FOXP1: variants seen among roughly 807,000 people sequenced by gnomAD.
FOXP1 encodes forkhead box protein P1.
A neutral mutation model predicts 98.2 loss-of-function variants in FOXP1; 15 were observed. The ratio of observed to expected loss-of-function variants is 0.15; its 90% confidence interval spans 0.10 to 0.24. The LOEUF is 0.24. Ranked by LOEUF, FOXP1 falls within the 10% of genes least tolerant of loss-of-function variation. FOXP1 has a pLI of 1.00. For missense variants in FOXP1, 633 were observed against 848.5 expected, an observed-to-expected ratio of 0.75 and a Z score of 3.15; for synonymous variants, 371 against 314.5, an observed-to-expected ratio of 1.18 and a Z score of -1.90.
At chr3:71,046,084 G>A (rs1014264813) in intron 10 of FOXP1, among the ~76,000 whole-genome samples, 8 of 152,034 alleles carry the variant, frequency 5.3e-5, no homozygotes, top group African/African-American at 9.6e-5. Flanking sequence ...CTGCCTGTCC[G>A]CCCTCCCTCC....
chr3:71,214,578 G>A (rs1263722736), intron 5 of FOXP1, among the ~76,000 whole-genome samples: 1 of 152,182 alleles, frequency 6.6e-6, no homozygotes, highest in Non-Finnish European at 1.5e-5. Flanking sequence ...GGAGGTACTG[G>A]ACATCTTTGG....
intron 6 of FOXP1, among the ~76,000 whole-genome samples, chr3:71,117,788 A>C (rs2058479893): frequency 6.6e-6 from 1 of 152,108 alleles, no homozygotes; most frequent in African/African-American, 2.4e-5. Flanking sequence ...TTTATAACAG[A>C]TGTGACAATT....
At chr3:71,174,891 A>G (rs1023483725) in intron 6 of FOXP1, among the ~76,000 whole-genome samples, 3 of 150,858 alleles carry the variant, frequency 2.0e-5, no homozygotes, top group African/African-American at 7.3e-5. Context: ...GATTGCAGGT[A>G]TGACCAAGTT....
intron 6 of FOXP1, among the ~76,000 whole-genome samples, chr3:71,173,289 C>G (rs2061740781): frequency 6.6e-6 from 1 of 151,956 alleles, no homozygotes; most frequent in Admixed American, 6.6e-5. Context: ...AGTCTCCATT[C>G]TCTTCTCCTC....
intron 6 of FOXP1, among the ~76,000 whole-genome samples, chr3:71,150,659 T>C (rs2060524248): frequency 6.6e-6 from 1 of 152,128 alleles, no homozygotes; most frequent in South Asian, 2.1e-4. Flanking sequence ...GAATTTCCCC[T>C]TTGTTAAAAA....
At chr3:71,106,383 T>C (rs1381330387) in intron 7 of FOXP1, among the ~76,000 whole-genome samples, 1 of 152,236 alleles carries the variant, frequency 6.6e-6, no homozygotes, top group Non-Finnish European at 1.5e-5. Flanking sequence ...TCGCCCAGGC[T>C]GGAGTGCAGT....
chr3:71,018,084 G>C (rs1224190023), intron 11 of FOXP1, among the ~76,000 whole-genome samples: 1 of 152,156 alleles, frequency 6.6e-6, no homozygotes, highest in Non-Finnish European at 1.5e-5. Flanking sequence ...AATAACATGA[G>C]AGAAAATAAT....
intron 4 of FOXP1, among the ~76,000 whole-genome samples, chr3:71,317,568 T>TTA (rs2075149635): frequency 6.6e-6 from 1 of 152,210 alleles, no homozygotes; most frequent in Non-Finnish European, 1.5e-5. Context: ...CTTCTAAAAG[T>TTA]TACTGCCTTT....
At chr3:70,983,687 G>C (rs1184123220) in intron 14 of FOXP1, among the ~76,000 whole-genome samples, 8 of 152,168 alleles carry the variant, frequency 5.3e-5, no homozygotes, top group African/African-American at 1.2e-4. Context: ...GTTGTTCTCT[G>C]ATGTGCAGGA....
At chr3:71,220,744 C>A (rs1195724661) in intron 5 of FOXP1, among the ~76,000 whole-genome samples, 1 of 113,952 alleles carries the variant, frequency 8.8e-6, no homozygotes, top group South Asian at 3.0e-4. Flanking sequence ...CTGAGTGAGA[C>A]CCTGTCTCAA....
chr3:71,564,932 T>A (rs1019967709), intron 2 of FOXP1, among the ~76,000 whole-genome samples: 1 of 152,096 alleles, frequency 6.6e-6, no homozygotes, highest in Non-Finnish European at 1.5e-5. Context: ...CAGGCCAACA[T>A]GCTGAAATTC....
At chr3:71,055,958 G>C (rs1180446429) in intron 7 of FOXP1, among the ~76,000 whole-genome samples, 1 of 152,166 alleles carries the variant, frequency 6.6e-6, no homozygotes. Context: ...GAACTTAACA[G>C]AGTTAGAGCA....
Position 71,041,345 on chromosome 3 carries a change from G to A in FOXP1, c.852C>T (p.His284=), listed in dbSNP as rs201138716. The part of the protein sequence containing the change: ...HASTNGQLSV[H]TPKRESLSHE... ...GTTCCTACCTTTCCCTTTTGGGAGTGTGGACTGAGAGCTGTCCATTGGTAG... is the reference window on the plus strand; with the variant it reads ...GTTCCTACCTTTCCCTTTTGGGAGTATGGACTGAGAGCTGTCCATTGGTAG... Residue 284 remains histidine (H), a synonymous_variant, in exon 11 of 21, where the codon CAC becomes CAT. Coordinates refer to ENST00000649528, the MANE Select transcript of FOXP1 (RefSeq NM_001349338.3). The A allele has an allele frequency of 5.6e-5, 91 of 1,613,554 alleles. No homozygotes were observed. The East Asian group carries it at 1.8e-3, about 32-fold the overall frequency.
At chr3:71,100,864 G>T (rs145332777) in intron 7 of FOXP1, among the ~76,000 whole-genome samples, 1 of 152,170 alleles carries the variant, frequency 6.6e-6, no homozygotes, top group Non-Finnish European at 1.5e-5. Flanking sequence ...AAGCTGGAAT[G>T]CTAATTAACT....
chr3:71,067,798 C>G (rs1342228151), intron 7 of FOXP1, among the ~76,000 whole-genome samples: 1 of 145,656 alleles, frequency 6.9e-6, no homozygotes, highest in Non-Finnish European at 1.5e-5. Flanking sequence ...GCCTATAGTC[C>G]CAACAACTTG....
chr3:71,426,975 C>T (rs556135303), intron 3 of FOXP1, among the ~76,000 whole-genome samples: 2 of 151,058 alleles, frequency 1.3e-5, no homozygotes, highest in South Asian at 2.1e-4. Context: ...GCAGGAGAAT[C>T]GTTTGAACCT....
intron 2 of FOXP1, among the ~76,000 whole-genome samples, chr3:71,498,655 C>T (rs941826439): frequency 1.3e-5 from 2 of 152,110 alleles, no homozygotes; most frequent in Admixed American, 6.5e-5. Flanking sequence ...ATGCTCATCA[C>T]GGGCATTTCT....
rs115253430 is a variant in FOXP1 at position 71,556,983 on chromosome 3, T to G, written c.-298+24566A>C. On this transcript the variant is annotated intron_variant, in intron 2 of 20. Transcript: ENST00000649528. ...TTAAAAATCATGCTTACAGAGAATATTCAATGACTAAAAAAAAAGTGTTCA... is the reference window on the plus strand; with the variant it reads ...TTAAAAATCATGCTTACAGAGAATAGTCAATGACTAAAAAAAAAGTGTTCA... Among the ~76,000 whole-genome samples the G allele has an allele frequency of 5.9e-4, 89 of 151,518 alleles. 1 individual carries two copies. Among genetic ancestry groups the G allele is most frequent in the Non-Finnish European group, 1.1e-3 (72 of 68,030 alleles).
chr3:71,427,566 A>C (rs1290253774), intron 3 of FOXP1, among the ~76,000 whole-genome samples: 1 of 152,208 alleles, frequency 6.6e-6, no homozygotes, highest in Non-Finnish European at 1.5e-5. Flanking sequence ...ACGTGATATG[A>C]TTTGGGTTCT....
Sources: allele counts gnomAD v4.1 joint callset (sites outside exome capture counted in the v4.1 genomes callset), GRCh38; gene constraint gnomAD v4.1.1; transcripts MANE v1.5; gene names NCBI Gene and HGNC (gene_info 2026-07-23, HGNC 2026-07-21).